Variants in ZNF277 observed in about 807,000 individuals in gnomAD.
ZNF277 encodes the protein nuclear receptor-interacting factor 4.
In ZNF277, 55 loss-of-function variants were observed where a neutral mutation model predicts 60.7. That is an observed-to-expected ratio of 0.91 (90% confidence interval 0.73 to 1.13). The LOEUF (loss-of-function observed/expected upper bound fraction) is 1.13, where lower values mean the gene tolerates loss of function less well. ZNF277 is among the 50% of genes most tolerant of loss of function. The pLI, the probability that ZNF277 is intolerant of heterozygous loss-of-function variation, is 0.00. For synonymous variants in ZNF277, 178 were observed against 179.3 expected (o/e 0.99, Z 0.06); for missense variants, 510 against 523.0 (o/e 0.98, Z 0.24).
At chr7:112,274,850 T>C (rs1361208411) in intron 1 of ZNF277, among the ~76,000 whole-genome samples, 1 of 152,234 alleles carries the variant, frequency 6.6e-6, no homozygotes, top group Non-Finnish European at 1.5e-5. Context: ...TTAGAAAGTA[T>C]AACACAGGCC....
intron 1 of ZNF277, among the ~76,000 whole-genome samples, chr7:112,233,583 A>G (rs1318156285): frequency 6.6e-6 from 1 of 152,204 alleles, no homozygotes; most frequent in African/African-American, 2.4e-5. Context: ...TCATTATGCA[A>G]TGATATTACT....
intron 1 of ZNF277, among the ~76,000 whole-genome samples, chr7:112,243,923 G>T (rs750638857): frequency 6.6e-6 from 1 of 151,986 alleles, no homozygotes; most frequent in Admixed American, 6.6e-5. Context: ...TGGATGATTG[G>T]ATAAAGAAAA....
intron 1 of ZNF277, among the ~76,000 whole-genome samples, chr7:112,235,377 C>T (rs1402388202): frequency 6.6e-6 from 1 of 152,078 alleles, no homozygotes; most frequent in Non-Finnish European, 1.5e-5. Flanking sequence ...TTTACATTTC[C>T]ACCAGCAGTG....
intron 2 of ZNF277, among the ~76,000 whole-genome samples, chr7:112,294,186 T>C (rs1256541111): frequency 1.3e-5 from 2 of 152,154 alleles, no homozygotes; most frequent in African/African-American, 2.4e-5. Flanking sequence ...TCCCCTTTTT[T>C]CCTCTCTACC....
intron 1 of ZNF277, among the ~76,000 whole-genome samples, chr7:112,243,319 G>C (rs759088128): frequency 1.3e-5 from 2 of 151,578 alleles, no homozygotes; most frequent in Non-Finnish European, 3.0e-5. Context: ...CAAAAACAAA[G>C]ATAGACAAGT....
At position 112,341,126 on chromosome 7, in the gene ZNF277, C is replaced by A. The variant is rs186761958; in HGVS notation, c.1184+80C>A. ...CCTTTATTTAATTTCTTTAAGCCTA[C>A]AGAAAAAAAAGGAATACATATTTAT... On this transcript the variant is annotated intron_variant, in intron 11 of 11. Coordinates refer to ENST00000361822, the MANE Select transcript of ZNF277 (RefSeq NM_021994.3). The A allele has an allele frequency of 2.6e-3, 3,419 of 1,321,904 alleles. 78 individuals are homozygous for A. The African/African-American group carries it at 0.047, about 18-fold the overall frequency. The allele number at this position is 1,321,904 out of a possible 1,614,324, so 81.9% of individuals were successfully genotyped here.
intron 1 of ZNF277, among the ~76,000 whole-genome samples, chr7:112,274,866 C>T (rs1311276778): frequency 2.0e-5 from 3 of 152,166 alleles, no homozygotes; most frequent in African/African-American, 7.2e-5. Context: ...AGGCCAATAA[C>T]CAATCAAATC....
At chr7:112,299,629 T>G (rs1792428482) in intron 4 of ZNF277, among the ~76,000 whole-genome samples, 1 of 152,242 alleles carries the variant, frequency 6.6e-6, no homozygotes. Flanking sequence ...AAACAATTTT[T>G]TATTAATCAG....
At chr7:112,233,595 C>T (rs1031315042) in intron 1 of ZNF277, among the ~76,000 whole-genome samples, 2 of 152,148 alleles carry the variant, frequency 1.3e-5, no homozygotes, top group African/African-American at 4.8e-5. Flanking sequence ...GATATTACTC[C>T]CTTACCAGCA....
At chr7:112,237,846 T>C (rs1790841261) in intron 1 of ZNF277, among the ~76,000 whole-genome samples, 1 of 152,090 alleles carries the variant, frequency 6.6e-6, no homozygotes, top group Non-Finnish European at 1.5e-5. Flanking sequence ...CACCCTGATG[T>C]CAAAACCAGG....
At chr7:112,289,285 A>G (rs530011919) in intron 2 of ZNF277, among the ~76,000 whole-genome samples, 3 of 152,326 alleles carry the variant, frequency 2.0e-5, no homozygotes, top group African/African-American at 7.2e-5. Flanking sequence ...TCTAGCCTTC[A>G]TCTCTGTCCT....
At position 112,339,844 on chromosome 7, in the gene ZNF277, A is replaced by G. The variant is rs1261020203; in HGVS notation, c.968A>G (p.Asp323Gly). 1 of 1,611,964 alleles carries G rather than the reference A, an allele frequency of 6.2e-7. No homozygotes were observed. Among genetic ancestry groups the G allele is most frequent in the Non-Finnish European group, 8.5e-7 (1 of 1,179,718 alleles). Residue 323 changes from aspartate to glycine, a missense_variant and splice_region_variant, in exon 10 of 12, where the codon GAT becomes GGT. Transcript: ENST00000361822. ...TIEKLYVHME[D>G]AHEFDLLKIK... ...CAGATGTATTCATTCCTTTTTTAGG[A>G]TGCACACGAATTTGATCTTCTCAAA...
At chr7:112,293,572 C>T (rs1443148046) in intron 2 of ZNF277, among the ~76,000 whole-genome samples, 2 of 138,658 alleles carry the variant, frequency 1.4e-5, no homozygotes, top group African/African-American at 5.8e-5. Context: ...AGAGCCAGAT[C>T]TTATCTCAAA....
chr7:112,286,662 G>T (rs1792069905), intron 1 of ZNF277, among the ~76,000 whole-genome samples: 1 of 152,096 alleles, frequency 6.6e-6, no homozygotes, highest in Non-Finnish European at 1.5e-5. Context: ...GGTTTGAGCT[G>T]CTTTGCAATA....
At chr7:112,239,397 G>C (rs1790887072) in intron 1 of ZNF277, among the ~76,000 whole-genome samples, 1 of 152,106 alleles carries the variant, frequency 6.6e-6, no homozygotes, top group Non-Finnish European at 1.5e-5. Flanking sequence ...TGGTAGCCAG[G>C]CAATAGTTGC....
At chr7:112,257,531 A>G (rs896536077) in intron 1 of ZNF277, among the ~76,000 whole-genome samples, 3 of 152,212 alleles carry the variant, frequency 2.0e-5, no homozygotes, top group African/African-American at 7.2e-5. Context: ...AAATAAGATT[A>G]GATAATGTCT....
chr7:112,303,184 C>T (rs1396724435), intron 4 of ZNF277, among the ~76,000 whole-genome samples: 1 of 152,012 alleles, frequency 6.6e-6, no homozygotes, highest in Non-Finnish European at 1.5e-5. Context: ...CTCCTGACCT[C>T]AAGTGATCCA....
intron 1 of ZNF277, among the ~76,000 whole-genome samples, chr7:112,213,280 T>C (rs1821800752): frequency 6.6e-6 from 1 of 152,210 alleles, no homozygotes. Flanking sequence ...TGTGAAACTC[T>C]AAGTCCAATT....
intron 1 of ZNF277, among the ~76,000 whole-genome samples, chr7:112,282,566 C>T (rs1047840457): frequency 1.3e-5 from 2 of 152,224 alleles, no homozygotes; most frequent in African/African-American, 4.8e-5. Flanking sequence ...TAATCAAGAA[C>T]TGTACATTTA....
Sources: allele counts gnomAD v4.1 joint callset (sites outside exome capture counted in the v4.1 genomes callset), GRCh38; gene constraint gnomAD v4.1.1; transcripts MANE v1.5; gene names NCBI Gene and HGNC (gene_info 2026-07-23, HGNC 2026-07-21).